Variants in NAV2 observed in about 807,000 individuals in gnomAD.
NAV2 encodes the protein neuron navigator 2.
NAV2 carries 54 observed loss-of-function variants against 223.2 expected under a neutral mutation model. That is an observed-to-expected ratio of 0.24 (90% CI 0.19 to 0.30). The LOEUF (loss-of-function observed/expected upper bound fraction) is 0.30, where lower values mean the gene tolerates loss of function less well. Among genes scored for constraint, NAV2 ranks in the 10% least tolerant of loss-of-function variants. The probability of loss-of-function intolerance (pLI) is 1.00; values close to 1 mark genes in which losing one functional copy is unlikely to be tolerated. For missense variants in NAV2, 2,806 were observed against 3,147.5 expected (o/e 0.89, Z 2.60); for synonymous variants, 1,279 against 1,239.3 (o/e 1.03, Z -0.67).
chr11:19,946,815 A>T (rs1163236127), intron 9 of NAV2, among the ~76,000 whole-genome samples: 1 of 152,240 alleles, frequency 6.6e-6, no homozygotes, highest in East Asian at 1.9e-4. Context: ...TGCTGTGGAA[A>T]TGAGCAGGTG....
At chr11:19,626,509 G>A (rs1245087153) in intron 1 of NAV2, among the ~76,000 whole-genome samples, 2 of 152,126 alleles carry the variant, frequency 1.3e-5, no homozygotes, top group Non-Finnish European at 2.9e-5. Context: ...TTGGTTATTT[G>A]GGGTCTTTTG....
intron 10 of NAV2, among the ~76,000 whole-genome samples, chr11:19,952,029 T>TATCC (rs1329587715): frequency 2.0e-5 from 3 of 152,230 alleles, no homozygotes; most frequent in Non-Finnish European, 2.9e-5. Flanking sequence ...GTTAAGCATG[T>TATCC]ATCCACTCTG....
rs566248086 is a variant in NAV2, at chr11:19,773,849, G to T, written c.268-58635G>T. On this transcript the variant is annotated intron_variant, in intron 1 of 37. Transcript: ENST00000349880. Reference sequence around the variant, plus strand: ...CATGATTTCAACAGACATCTAATTGGTCTCCCTTCCTCCAGTCTCTACCTT... The same window carrying T: ...CATGATTTCAACAGACATCTAATTGTTCTCCCTTCCTCCAGTCTCTACCTT... 8.5e-5 allele frequency among the ~76,000 whole-genome samples: 13 copies of T among 152,134 alleles called. No individual in the cohort carries two copies. In the South Asian group the frequency reaches 2.7e-3, roughly 32 times the overall value.
At chr11:19,709,861 G>A (rs999063874), upstream of NAV2, among the ~76,000 whole-genome samples, 8 of 152,058 alleles carry the variant, frequency 5.3e-5, no homozygotes, top group Non-Finnish European at 8.8e-5. Flanking sequence ...GAAGAGGCAG[G>A]AAAAGAAAGA....
intron 25 of NAV2, chr11:20,082,698 T>C: frequency 8.0e-7 from 1 of 1,246,936 alleles, no homozygotes; most frequent in Non-Finnish European, 1.2e-6. Flanking sequence ...GCATCCTGCT[T>C]TGTTGCTGTG....
In NAV2 at chr11:19,509,752, A is replaced by G. The variant is rs111333207; in HGVS notation, c.75+158725A>G. 2.0e-3 allele frequency among the ~76,000 whole-genome samples: 307 copies of G among 152,288 alleles called. 2 individuals carry two copies. The highest frequency in any genetic ancestry group is 3.3e-3 in the Non-Finnish European group (223 of 68,020). ...AAAGCCTTAGAATCACTGCCCCTAA[A>G]ACTCTAAGGAGAAAATGAAATTTTA... On this transcript the variant is annotated intron_variant, in intron 1 of 37. Transcript: ENST00000360655.
intron 1 of NAV2, chr11:19,507,192 T>G (rs2043147458): frequency 6.6e-6 from 1 of 152,192 alleles, no homozygotes; most frequent in African/African-American, 2.4e-5. Context: ...ATACATAATA[T>G]AGCAGTTAAG....
At chr11:20,025,676 G>C (rs975464362) in intron 11 of NAV2, among the ~76,000 whole-genome samples, 1 of 152,234 alleles carries the variant, frequency 6.6e-6, no homozygotes, top group Admixed American at 6.5e-5. Flanking sequence ...ACTCAAGCCT[G>C]ATGGCTGCTA....
intron 1 of NAV2, among the ~76,000 whole-genome samples, chr11:19,388,024 G>A (rs1200087054): frequency 6.6e-6 from 1 of 152,162 alleles, no homozygotes; most frequent in Non-Finnish European, 1.5e-5. Flanking sequence ...ATTGGAATGT[G>A]CATGTTAACA....
intron 1 of NAV2, among the ~76,000 whole-genome samples, chr11:19,684,500 C>G (rs1291868017): frequency 6.6e-6 from 1 of 152,108 alleles, no homozygotes; most frequent in Non-Finnish European, 1.5e-5. Flanking sequence ...AGATATACCC[C>G]TTAGTCTGGA....
chr11:20,054,362 A>G (rs1042140335), intron 18 of NAV2, 122 bp downstream of exon 18: 2 of 944,682 alleles, frequency 2.1e-6, no homozygotes, highest in Non-Finnish European at 1.5e-6. Flanking sequence ...TTACATGGGT[A>G]AGTTCTTTAG....
chr11:20,022,563 T>C, intron 11 of NAV2: 1 of 985,704 alleles, frequency 1.0e-6, no homozygotes. Context: ...GCTAATCTTT[T>C]CAATCGAATG....
chr11:19,882,714 G>C (rs2063291157), intron 5 of NAV2, among the ~76,000 whole-genome samples: 1 of 152,178 alleles, frequency 6.6e-6, no homozygotes, highest in Admixed American at 6.5e-5. Context: ...ACCTAAAGAA[G>C]AGCCAAACTT....
intron 1 of NAV2, among the ~76,000 whole-genome samples, chr11:19,720,344 A>C (rs2050653851): frequency 6.6e-6 from 1 of 152,170 alleles, no homozygotes; most frequent in Non-Finnish European, 1.5e-5. Context: ...TTTTTGCAGG[A>C]ACCCCCATTC....
At chr11:19,621,916 C>T (rs149875084) in intron 1 of NAV2, among the ~76,000 whole-genome samples, 130 of 152,316 alleles carry the variant, frequency 8.5e-4, no homozygotes, top group African/African-American at 2.9e-3. Context: ...TCCCTGTAAA[C>T]ACTGCTTTGA....
At chr11:20,073,727 C>G (rs111686641) in intron 22 of NAV2, among the ~76,000 whole-genome samples, 47,842 of 151,654 alleles carry the variant, frequency 0.32, 8,257 homozygotes, top group African/African-American at 0.46. Context: ...TTACGTAGAG[C>G]TGTTTATAGT....
At chr11:19,404,901 G>C (rs1486759305) in intron 1 of NAV2, among the ~76,000 whole-genome samples, 2 of 152,136 alleles carry the variant, frequency 1.3e-5, no homozygotes, top group Non-Finnish European at 2.9e-5. Flanking sequence ...TGGAAGGCCT[G>C]TCTGTCTGGT....
chr11:19,359,291 G>C (rs1434495272), intron 1 of NAV2, among the ~76,000 whole-genome samples: 1 of 152,216 alleles, frequency 6.6e-6, no homozygotes, highest in East Asian at 1.9e-4. Flanking sequence ...TAACTGTGAA[G>C]ACCCAGTTTT....
intron 1 of NAV2, among the ~76,000 whole-genome samples, chr11:19,462,703 G>A (rs1269656515): frequency 6.6e-6 from 1 of 152,230 alleles, no homozygotes; most frequent in Non-Finnish European, 1.5e-5. Context: ...GGTTTGAGTA[G>A]CACAGGTTTG....
Sources: allele counts gnomAD v4.1 joint callset (sites outside exome capture counted in the v4.1 genomes callset), GRCh38; gene constraint gnomAD v4.1.1; transcripts MANE v1.5; gene names NCBI Gene and HGNC (gene_info 2026-07-23, HGNC 2026-07-21).